The following UBE2O variants were observed in gnomAD, a reference collection of about 807,000 sequenced individuals.
UBE2O encodes ubiquitin conjugating enzyme E2 O.
In UBE2O, 15 loss-of-function variants were observed where a neutral mutation model predicts 125.8. That is an observed-to-expected ratio of 0.12 (90% CI 0.08 to 0.18). UBE2O has a LOEUF of 0.18. Among genes scored for constraint, UBE2O ranks in the 10% least tolerant of loss-of-function variants. UBE2O has a pLI of 1.00. For missense variants in UBE2O, 1,280 were observed against 1,723.6 expected, an observed-to-expected ratio of 0.74 and a Z score of 4.56; for synonymous variants, 708 against 703.2, an observed-to-expected ratio of 1.01 and a Z score of -0.11.
At position 76,400,962 on chromosome 17, in the gene UBE2O, G is replaced by A. The variant is rs777585778; in HGVS notation, c.894+49C>T. On this transcript the variant is annotated intron_variant, in intron 6 of 17. Coordinates refer to ENST00000319380, the MANE Select transcript of UBE2O (RefSeq NM_022066.4). The surrounding 1 kb of genome is among the most constrained non-coding windows in gnomAD (Gnocchi z 4.3). Reference sequence around the variant, plus strand: ...GGAAAGGGGCAGCAGCTCAGCTCCAGGGTGTGGAGGTCAAGGACTCCATCT... The same window carrying A: ...GGAAAGGGGCAGCAGCTCAGCTCCAAGGTGTGGAGGTCAAGGACTCCATCT... 2.5e-6 allele frequency: 4 copies of A among 1,604,792 alleles called. No homozygotes were observed. The highest frequency in any genetic ancestry group is 3.4e-6 in the Non-Finnish European group (4 of 1,174,480).
chr17:76,431,303 G>A (rs977526519), intron 1 of UBE2O, among the ~76,000 whole-genome samples: 3 of 152,170 alleles, frequency 2.0e-5, no homozygotes, highest in African/African-American at 7.2e-5. Flanking sequence ...CTTGCAGTCA[G>A]GAGCTCAAGA....
rs1469249752 is a variant in UBE2O, at chr17:76,405,143, G to A, written c.588+63C>T. ...AGCACGGAGGAGGCTGTAGCCCAGA[G>A]GTCGTGCCGCCGAGAGAACCAGAGG... is the stretch of plus-strand genomic sequence containing the variant. On this transcript the variant is annotated intron_variant, in intron 3 of 17. Transcript: ENST00000319380. The surrounding 1 kb of genome is among the most constrained non-coding windows in gnomAD (Gnocchi z 6.1). 2.3e-6 allele frequency: 3 copies of A among 1,289,366 alleles called. No homozygotes were observed. The highest frequency in any genetic ancestry group is 2.7e-5 in the South Asian group (2 of 74,502). The allele number at this position is 1,289,366 out of a possible 1,614,324, so 79.9% of individuals were successfully genotyped here. A position where few individuals can be genotyped will look rare whatever the true frequency, so the allele number is the denominator to read the frequency against.
Position 76,450,218 on chromosome 17 carries a change from G to T in UBE2O, c.417+2507C>A, listed in dbSNP as rs530187848. Among the ~76,000 whole-genome samples the T allele has an allele frequency of 2.2e-4, 33 of 152,180 alleles. 1 individual carries two copies. The South Asian group carries it at 4.2e-3, about 19-fold the overall frequency. On this transcript the variant is annotated intron_variant, in intron 1 of 17. Transcript: ENST00000319380. ...ATCACCTTGATGGAATTCATAAGGA[G>T]CAGGAGGTGAGAAGAAAAATCATCC...
In UBE2O at chr17:76,390,867, G is replaced by T; in HGVS notation, c.*76C>A. The T allele has an allele frequency of 7.0e-7, 1 of 1,438,596 alleles. No individual in the cohort carries two copies. Among genetic ancestry groups the T allele is most frequent in the Non-Finnish European group, 9.4e-7 (1 of 1,065,496 alleles). The allele number at this position is 1,438,596 out of a possible 1,614,324, so 89.1% of individuals were successfully genotyped here. On this transcript the variant is annotated 3_prime_UTR_variant, in exon 18 of 18. Coordinates refer to ENST00000319380, the MANE Select transcript of UBE2O (RefSeq NM_022066.4). ...TGGGGACAGAGGGGCATGGGAAGAG[G>T]GGTGATTCCGGGGGGGAGTGAGCAG...
intron 1 of UBE2O, among the ~76,000 whole-genome samples, chr17:76,442,888 G>C (rs575105261): frequency 2.1e-3 from 326 of 152,294 alleles, no homozygotes; most frequent in Middle Eastern, 6.8e-3. Flanking sequence ...GGCAAGCAGA[G>C]AGCAAACCAG....
At chr17:76,432,893 C>T (rs2072926840) in intron 1 of UBE2O, among the ~76,000 whole-genome samples, 1 of 152,202 alleles carries the variant, frequency 6.6e-6, no homozygotes, top group Middle Eastern at 3.2e-3. Context: ...AATACCCATG[C>T]ATGCCCACTA....
chr17:76,440,211 T>C (rs1179906581), intron 1 of UBE2O, among the ~76,000 whole-genome samples: 1 of 152,236 alleles, frequency 6.6e-6, no homozygotes, highest in Non-Finnish European at 1.5e-5. Flanking sequence ...CAGTAGCCAC[T>C]ATGGTAAAAA....
chr17:76,410,059 G>A lies in UBE2O; in HGVS notation c.418-4487C>T, dbSNP rs1477390737. Among the ~76,000 whole-genome samples the A allele has an allele frequency of 6.6e-6, 1 of 152,130 alleles. No individual in the cohort carries two copies. The highest frequency in any genetic ancestry group is 1.9e-4 in the East Asian group (1 of 5,186). ...CCAAGCAGGGAGGAGTAGCTGTCAAGGTGCTGGGTGGGGTGACTGGCACAG... is the reference window on the plus strand; with the variant it reads ...CCAAGCAGGGAGGAGTAGCTGTCAAAGTGCTGGGTGGGGTGACTGGCACAG... On this transcript the variant is annotated intron_variant, in intron 1 of 17. Coordinates refer to ENST00000319380, the MANE Select transcript of UBE2O (RefSeq NM_022066.4). The surrounding 1 kb of genome is among the most constrained non-coding windows in gnomAD (Gnocchi z 4.0).
At chr17:76,435,386 G>A (rs2072974016) in intron 1 of UBE2O, among the ~76,000 whole-genome samples, 1 of 145,512 alleles carries the variant, frequency 6.9e-6, no homozygotes, top group Non-Finnish European at 1.5e-5. Flanking sequence ...TATATTATCT[G>A]TTTAAATATA....
chr17:76,440,902 C>T (rs1239601237), intron 1 of UBE2O, among the ~76,000 whole-genome samples: 1 of 152,166 alleles, frequency 6.6e-6, no homozygotes, highest in African/African-American at 2.4e-5. Context: ...TTTGGCTGGC[C>T]CCTTATCTAG....
In UBE2O at chr17:76,424,868, T is replaced by A. The variant is rs1451025562; in HGVS notation, c.418-19296A>T. Among the ~76,000 whole-genome samples, 4 of 151,402 alleles carry A rather than the reference T, an allele frequency of 2.6e-5. No homozygotes were observed. In the East Asian group the frequency reaches 7.8e-4, roughly 29 times the overall value. On this transcript the variant is annotated intron_variant, in intron 1 of 17. Coordinates refer to ENST00000319380, the MANE Select transcript of UBE2O (RefSeq NM_022066.4). ...CTGTTTCTTTTTTTTTTTTTATTTT[T>A]TATTTTTTTTTTTTGAGACAGAGTC...
chr17:76,398,392 C>A lies in UBE2O; in HGVS notation c.1897-9G>T, dbSNP rs1324081443. Reference sequence around the variant, plus strand: ...TCCTCTTCTCCAATCAGCTGTGGCACAGGACAGGTTGTCATGAGCTAGGGG... The same window carrying A: ...TCCTCTTCTCCAATCAGCTGTGGCAAAGGACAGGTTGTCATGAGCTAGGGG... On this transcript the variant is annotated splice_polypyrimidine_tract_variant and intron_variant, in intron 11 of 17. Transcript: ENST00000319380. The surrounding 1 kb of genome is among the most constrained non-coding windows in gnomAD (Gnocchi z 5.4). 2 of 1,614,138 alleles carry A rather than the reference C, an allele frequency of 1.2e-6. No homozygotes were observed. The highest frequency in any genetic ancestry group is 2.2e-5 in the South Asian group (2 of 91,086).
chr17:76,413,545 G>A (rs902420413), intron 1 of UBE2O, among the ~76,000 whole-genome samples: 1 of 152,112 alleles, frequency 6.6e-6, no homozygotes, highest in African/African-American at 2.4e-5. Context: ...GAAAAAACCC[G>A]TTCAGTTGCA....
At chr17:76,429,825 G>A (rs190454123) in intron 1 of UBE2O, among the ~76,000 whole-genome samples, 1 of 152,308 alleles carries the variant, frequency 6.6e-6, no homozygotes, top group African/African-American at 2.4e-5. Context: ...GTGTGCAGAC[G>A]TTCATGAATC....
intron 1 of UBE2O, among the ~76,000 whole-genome samples, chr17:76,422,319 C>T (rs1415030827): frequency 2.6e-5 from 4 of 152,184 alleles, no homozygotes; most frequent in Non-Finnish European, 1.5e-5. Context: ...TTTAACCTGG[C>T]TTTTCCCAGG....
chr17:76,402,892 T>G lies in UBE2O; in HGVS notation c.589-193A>C, dbSNP rs1322942296. On this transcript the variant is annotated intron_variant, in intron 3 of 17. Transcript: ENST00000319380. This position sits in a 1 kb window ranked among gnomAD's most constrained non-coding sequence, Gnocchi z 5.4. ...TACAAGTTCTAGGCTGCATCCCAGC[T>G]GCTCTTCCCAGTGAGGAGGAAGTGG... Among the ~76,000 whole-genome samples, 1 of 152,046 alleles carries G rather than the reference T, an allele frequency of 6.6e-6. No individual in the cohort carries two copies. The highest frequency in any genetic ancestry group is 1.5e-5 in the Non-Finnish European group (1 of 68,014).
chr17:76,407,151 C>A (rs764893079), intron 1 of UBE2O, among the ~76,000 whole-genome samples: 4 of 152,140 alleles, frequency 2.6e-5, no homozygotes, highest in Non-Finnish European at 5.9e-5. Flanking sequence ...ACCAAGGCAG[C>A]GGACCGCAGG....
chr17:76,393,108 A>G (rs1257061619), intron 15 of UBE2O, among the ~76,000 whole-genome samples: 2 of 151,482 alleles, frequency 1.3e-5, no homozygotes, highest in African/African-American at 4.9e-5. Flanking sequence ...AAAATAAAAA[A>G]TTAGCTGGGC....
At chr17:76,437,211 G>A (rs1401441529) in intron 1 of UBE2O, among the ~76,000 whole-genome samples, 1 of 151,652 alleles carries the variant, frequency 6.6e-6, no homozygotes, top group Non-Finnish European at 1.5e-5. Context: ...AGCACTTTGG[G>A]AGGCCAAGGC....
Sources: gnomAD v4.1 joint callset for allele counts (sites outside exome capture counted in the v4.1 genomes callset) on GRCh38, gnomAD v4.1.1 for gene constraint, Gnocchi (gnomAD v3.1) non-coding constraint, MANE v1.5 for transcripts, NCBI Gene and HGNC (gene_info 2026-07-23, HGNC 2026-07-21) for gene names.